Variants in PCNX2 observed in about 807,000 individuals in gnomAD.
The protein encoded by PCNX2 is pecanex-like protein 2.
Under a neutral mutation model 223.8 loss-of-function variants are expected in PCNX2, and 168 were observed. The observed-to-expected ratio is 0.75, with a 90% CI of 0.66 to 0.85. PCNX2 has a LOEUF of 0.85. Ranked by LOEUF, PCNX2 falls within the 40% of genes least tolerant of loss-of-function variation. The pLI is 0.00. For synonymous variants in PCNX2, 1,006 were observed against 1,052.6 expected (o/e 0.96, Z 0.86); for missense variants, 2,507 against 2,675.5 (o/e 0.94, Z 1.39).
intron 13 of PCNX2, 82 bp downstream of exon 13, chr1:233,208,436 G>C (rs1681613057): frequency 1.4e-6 from 2 of 1,403,514 alleles, no homozygotes; most frequent in Admixed American, 4.4e-5. Context: ...AATCAAGTAA[G>C]GAAGCTTAGA....
intron 25 of PCNX2, among the ~76,000 whole-genome samples, chr1:233,045,255 A>T (rs1343799041): frequency 6.6e-6 from 1 of 152,200 alleles, no homozygotes; most frequent in Non-Finnish European, 1.5e-5. Context: ...GATGTATCCC[A>T]ATCATTGGGA....
chr1:233,320,226 G>A, the PCNX2 span, among the ~76,000 whole-genome samples: 1 of 152,090 alleles, frequency 6.6e-6, no homozygotes, highest in Non-Finnish European at 1.5e-5. Flanking sequence ...ATGGAATTAT[G>A]CATAATTATT....
Position 233,025,206 on chromosome 1 carries a change from G to A in PCNX2, c.4545C>T (p.Asn1515=), listed in dbSNP as rs201941744. The change falls in exon 26 of 34, where the codon AAC becomes AAT. Residue 1515 remains asparagine (N), a synonymous_variant. Coordinates refer to ENST00000258229, the MANE Select transcript of PCNX2 (RefSeq NM_014801.4). The part of the protein sequence containing the change: ...ILEGYSILDN[N]AATMLQVFDL... The stretch of plus-strand genomic sequence containing the variant: ...CAAACACCTGCAGCATGGTGGCCGC[G>A]TTGTTGTCCAGGATGCTGTAGCCCT... The A allele has an allele frequency of 4.5e-5, 73 of 1,614,014 alleles. No homozygotes were observed. Among genetic ancestry groups the A allele is most frequent in the Admixed American group, 3.5e-4 (21 of 60,028 alleles).
chr1:233,327,107 C>T, the PCNX2 span, among the ~76,000 whole-genome samples: 1 of 152,136 alleles, frequency 6.6e-6, no homozygotes, highest in Admixed American at 6.5e-5. Context: ...GTAGCCCGTT[C>T]TGAGATTCTG....
the PCNX2 span, among the ~76,000 whole-genome samples, chr1:233,310,922 G>C: frequency 6.6e-6 from 1 of 152,214 alleles, no homozygotes; most frequent in African/African-American, 2.4e-5. Context: ...TTACCACAAG[G>C]AGTGTACCAG....
chr1:233,200,580 A>T (rs1210720458), intron 13 of PCNX2, among the ~76,000 whole-genome samples: 3 of 151,848 alleles, frequency 2.0e-5, no homozygotes, highest in African/African-American at 7.3e-5. Flanking sequence ...GTACTGATGA[A>T]AGGAACGCAC....
At chr1:233,267,240 G>T (rs1297936397) in intron 1 of PCNX2, among the ~76,000 whole-genome samples, 1 of 151,744 alleles carries the variant, frequency 6.6e-6, no homozygotes, top group Non-Finnish European at 1.5e-5. Context: ...TCACTTGAAC[G>T]TGGGAGGCAG....
intron 15 of PCNX2, among the ~76,000 whole-genome samples, chr1:233,182,968 G>T (rs1679887845): frequency 6.6e-6 from 1 of 152,106 alleles, no homozygotes; most frequent in African/African-American, 2.4e-5. Context: ...CTGCCCACAG[G>T]AGTTGTGCAT....
chr1:233,189,963 T>A (rs1197540431), intron 15 of PCNX2, among the ~76,000 whole-genome samples: 1 of 152,220 alleles, frequency 6.6e-6, no homozygotes, highest in Non-Finnish European at 1.5e-5. Context: ...TGGTACCATC[T>A]TGGACGAGTC....
At chr1:233,236,738 T>A in intron 9 of PCNX2, 107 bp downstream of exon 9, 1 of 1,482,344 alleles carries the variant, frequency 6.7e-7, no homozygotes, top group East Asian at 2.3e-5. Flanking sequence ...GATGCAAAAT[T>A]CAGGGAAAGA....
chr1:233,130,778 C>T (rs1056960533), intron 21 of PCNX2, among the ~76,000 whole-genome samples: 4 of 151,742 alleles, frequency 2.6e-5, no homozygotes, highest in East Asian at 1.9e-4. Context: ...CCACTGTGCC[C>T]GGCACCCCCC....
chr1:233,205,433 C>T (rs1238652015), intron 13 of PCNX2, among the ~76,000 whole-genome samples: 4 of 152,146 alleles, frequency 2.6e-5, no homozygotes, highest in Non-Finnish European at 4.4e-5. Context: ...GTGGCTCATG[C>T]CTATAATCCC....
At chr1:233,223,571 C>A (rs991071905) in intron 10 of PCNX2, among the ~76,000 whole-genome samples, 12 of 152,112 alleles carry the variant, frequency 7.9e-5, no homozygotes, top group African/African-American at 2.9e-4. Context: ...GTTTTCAGCC[C>A]CGCGTGCATT....
At chr1:233,210,603 T>C (rs537184049) in intron 12 of PCNX2, 7 of 985,160 alleles carry the variant, frequency 7.1e-6, no homozygotes, top group Admixed American at 1.2e-4. Context: ...CCTTGATTTC[T>C]GAGAACACCT....
In PCNX2 at chr1:233,086,257, C is replaced by G. The variant is rs536000083; in HGVS notation, c.4076+3804G>C. On this transcript the variant is annotated intron_variant, in intron 23 of 33. Coordinates refer to ENST00000258229, the MANE Select transcript of PCNX2 (RefSeq NM_014801.4). ...GTGGGAAAGTGTTGTGGGAGATGGGCTAGAAAGTTCGAGAAAGAAGGGTCT... is the reference window on the plus strand; with the variant it reads ...GTGGGAAAGTGTTGTGGGAGATGGGGTAGAAAGTTCGAGAAAGAAGGGTCT... Among the ~76,000 whole-genome samples the G allele has an allele frequency of 2.0e-5, 3 of 152,232 alleles. No homozygotes were observed. In the East Asian group the frequency reaches 5.8e-4, roughly 29 times the overall value.
intron 15 of PCNX2, among the ~76,000 whole-genome samples, chr1:233,190,727 T>C (rs576483477): frequency 2.0e-5 from 3 of 152,316 alleles, no homozygotes; most frequent in African/African-American, 7.2e-5. Context: ...AGTGTTTCTT[T>C]CCATCACAGA....
At chr1:233,050,899 G>A (rs1431707399) in intron 25 of PCNX2, among the ~76,000 whole-genome samples, 1 of 151,942 alleles carries the variant, frequency 6.6e-6, no homozygotes, top group Non-Finnish European at 1.5e-5. Context: ...CTACAGAATG[G>A]GAGATAATAT....
chr1:233,151,457 A>G (rs892428078), intron 19 of PCNX2, among the ~76,000 whole-genome samples: 6 of 152,226 alleles, frequency 3.9e-5, no homozygotes, highest in African/African-American at 1.4e-4. Flanking sequence ...TATTGCACGC[A>G]GCATATTAAA....
intron 17 of PCNX2, among the ~76,000 whole-genome samples, chr1:233,171,084 A>AC (rs1679125535): frequency 6.6e-6 from 1 of 152,072 alleles, no homozygotes; most frequent in African/African-American, 2.4e-5. Flanking sequence ...CATTACGAAG[A>AC]CCTCTGACGA....
Sources: gnomAD v4.1 joint callset for allele counts (sites outside exome capture counted in the v4.1 genomes callset) on GRCh38, gnomAD v4.1.1 for gene constraint, MANE v1.5 for transcripts, NCBI Gene and HGNC (gene_info 2026-07-23, HGNC 2026-07-21) for gene names.